TENM2: variants seen among roughly 807,000 people sequenced by gnomAD.
TENM2 encodes teneurin-2.
TENM2 carries 52 observed loss-of-function variants against 245.2 expected under a neutral mutation model. That is an observed-to-expected ratio of 0.21 (90% CI 0.17 to 0.27). The LOEUF is 0.27. Among genes scored for constraint, TENM2 ranks in the 10% least tolerant of loss-of-function variants. The pLI, the probability that TENM2 is intolerant of heterozygous loss-of-function variation, is 1.00. For synonymous variants in TENM2, 1,363 were observed against 1,438.9 expected, an observed-to-expected ratio of 0.95 and a Z score of 1.19; for missense variants, 3,046 against 3,666.8, an observed-to-expected ratio of 0.83 and a Z score of 4.37.
chr5:166,998,130 G>A, the TENM2 span, among the ~76,000 whole-genome samples: 1 of 152,066 alleles, frequency 6.6e-6, no homozygotes, highest in African/African-American at 2.4e-5. Flanking sequence ...GATCTTTTCA[G>A]GCAAAAGGAA....
chr5:168,003,202 A>G (rs1229661536), intron 5 of TENM2, among the ~76,000 whole-genome samples: 1 of 152,146 alleles, frequency 6.6e-6, no homozygotes, highest in Admixed American at 6.5e-5. Flanking sequence ...ACCAATGTAC[A>G]ATAAGAAATT....
chr5:168,163,188 G>A lies in TENM2; in HGVS notation c.2569+431G>A, dbSNP rs1005443244. Among the ~76,000 whole-genome samples the A allele has an allele frequency of 1.4e-4, 22 of 152,170 alleles. 1 individual carries two copies. Among genetic ancestry groups the A allele is most frequent in the African/African-American group, 2.7e-4 (11 of 41,432 alleles). Reference sequence around the variant, plus strand: ...ATGTCACTCTACAGATGAGGAAACCGAGGCCTGAAGAGTGATTAAGTAACT... The same window carrying A: ...ATGTCACTCTACAGATGAGGAAACCAAGGCCTGAAGAGTGATTAAGTAACT... On this transcript the variant is annotated intron_variant, in intron 13 of 28. Transcript: ENST00000518659.
At chr5:167,797,527 T>G (rs921573300) in intron 2 of TENM2, among the ~76,000 whole-genome samples, 2 of 152,218 alleles carry the variant, frequency 1.3e-5, no homozygotes, top group African/African-American at 4.8e-5. Flanking sequence ...TGCAAGCGTT[T>G]GTGGCAGTGG....
chr5:167,158,971 T>G, the TENM2 span, among the ~76,000 whole-genome samples: 1 of 150,514 alleles, frequency 6.6e-6, no homozygotes, highest in Non-Finnish European at 1.5e-5. Context: ...CTTTTTTTTT[T>G]TTGACAGAGT....
At chr5:167,707,205 G>C (rs993036271) in intron 2 of TENM2, among the ~76,000 whole-genome samples, 4 of 151,940 alleles carry the variant, frequency 2.6e-5, no homozygotes, top group Non-Finnish European at 4.4e-5. Context: ...CCATTTGTAT[G>C]TCTTCTTTGG....
chr5:168,026,588 G>A (rs1786647237), intron 5 of TENM2, among the ~76,000 whole-genome samples: 1 of 152,118 alleles, frequency 6.6e-6, no homozygotes, highest in East Asian at 1.9e-4. Context: ...AAGAGAACAG[G>A]CTCTAGAATA....
intron 2 of TENM2, among the ~76,000 whole-genome samples, chr5:167,708,624 AC>A (rs1285799515): frequency 6.6e-6 from 1 of 152,080 alleles, no homozygotes; most frequent in African/African-American, 2.4e-5. Context: ...TGGGTAGAGG[AC>A]CGAGGAGAGG....
intron 5 of TENM2, among the ~76,000 whole-genome samples, chr5:168,036,608 C>T (rs952769894): frequency 1.4e-5 from 2 of 142,846 alleles, no homozygotes; most frequent in Non-Finnish European, 1.5e-5. Context: ...TGCACTCTAG[C>T]CTGGGCAACA....
intron 2 of TENM2, among the ~76,000 whole-genome samples, chr5:167,528,263 T>A (rs570235484): frequency 6.6e-6 from 1 of 152,204 alleles, no homozygotes; most frequent in African/African-American, 2.4e-5. Flanking sequence ...CCTAGCTCAT[T>A]TGGAAGTCAA....
chr5:168,215,086 G>T (rs569303729), exon 21 of TENM2: 2 of 1,613,820 alleles, frequency 1.2e-6, no homozygotes, highest in Non-Finnish European at 8.5e-7. Flanking sequence ...CCCCGTGTCC[G>T]GCTCGCTCTA....
intron 3 of TENM2, among the ~76,000 whole-genome samples, chr5:167,904,208 A>G (rs557736920): frequency 6.6e-6 from 1 of 152,210 alleles, no homozygotes; most frequent in African/African-American, 2.4e-5. Context: ...TGGAGAGTCA[A>G]TACCATCAAG....
chr5:167,026,827 A>T, the TENM2 span, among the ~76,000 whole-genome samples: 5 of 152,216 alleles, frequency 3.3e-5, no homozygotes, highest in African/African-American at 1.2e-4. Flanking sequence ...AGCCCAAAGG[A>T]CAAGCCACAT....
chr5:167,901,906 C>T (rs1775735433), intron 3 of TENM2, among the ~76,000 whole-genome samples: 1 of 152,002 alleles, frequency 6.6e-6, no homozygotes, highest in Admixed American at 6.6e-5. Flanking sequence ...AATATAAGAT[C>T]GCAGGCAATT....
At chr5:167,677,314 C>T (rs538900982) in intron 2 of TENM2, among the ~76,000 whole-genome samples, 30 of 152,092 alleles carry the variant, frequency 2.0e-4, no homozygotes, top group African/African-American at 7.0e-4. Context: ...TTGCTTGTCA[C>T]ACCACACATA....
chr5:168,221,800 A>G (rs1763693451), intron 23 of TENM2, among the ~76,000 whole-genome samples: 1 of 152,152 alleles, frequency 6.6e-6, no homozygotes, highest in African/African-American at 2.4e-5. Context: ...AAAAGGCAGC[A>G]TCTTATACCA....
chr5:167,674,376 G>T (rs911691762), intron 2 of TENM2, among the ~76,000 whole-genome samples: 9 of 151,938 alleles, frequency 5.9e-5, no homozygotes, highest in African/African-American at 2.2e-4. Context: ...TTGATTTGGT[G>T]CCCCCAAAAT....
At chr5:167,115,268 T>G in the TENM2 span, among the ~76,000 whole-genome samples, 3 of 152,148 alleles carry the variant, frequency 2.0e-5, no homozygotes, top group African/African-American at 7.2e-5. Flanking sequence ...TACAAAATGA[T>G]TTCTGAGAGG....
At chr5:167,162,750 C>T in the TENM2 span, among the ~76,000 whole-genome samples, 3 of 151,922 alleles carry the variant, frequency 2.0e-5, no homozygotes, top group Non-Finnish European at 2.9e-5. Flanking sequence ...AACCCTGATA[C>T]TCATGACCAA....
At chr5:168,207,673 T>C (rs1762470855) in intron 19 of TENM2, among the ~76,000 whole-genome samples, 1 of 152,170 alleles carries the variant, frequency 6.6e-6, no homozygotes, top group Admixed American at 6.5e-5. Flanking sequence ...CTGTCTTGCT[T>C]ATGTCTTTTC....
Sources: allele counts gnomAD v4.1 joint callset (sites outside exome capture counted in the v4.1 genomes callset), GRCh38; gene constraint gnomAD v4.1.1; transcripts MANE v1.5; gene names NCBI Gene and HGNC (gene_info 2026-07-23, HGNC 2026-07-21).